CCDC141: variants seen among roughly 807,000 people sequenced by gnomAD.
CCDC141 encodes coiled-coil domain-containing protein 141.
CCDC141 carries 168 observed loss-of-function variants against 181.0 expected under a neutral mutation model. The ratio of observed to expected loss-of-function variants is 0.93; its 90% CI spans 0.82 to 1.05. CCDC141 has a LOEUF of 1.05. Among genes scored for constraint, CCDC141 ranks in the 50% least tolerant of loss-of-function variants. The pLI is 0.00. For synonymous variants in CCDC141, 666 were observed against 642.3 expected (o/e 1.04, Z -0.56); for missense variants, 1,902 against 1,788.5 (o/e 1.06, Z -1.14).
chr2:178,921,405 A>G (rs1688682895), intron 6 of CCDC141, among the ~76,000 whole-genome samples: 1 of 152,220 alleles, frequency 6.6e-6, no homozygotes, highest in Non-Finnish European at 1.5e-5. Context: ...AGCTCTCCAA[A>G]TGTGTTCTTT....
intron 2 of CCDC141, among the ~76,000 whole-genome samples, chr2:178,991,607 A>G (rs1297659854): frequency 1.3e-5 from 2 of 152,114 alleles, no homozygotes; most frequent in Non-Finnish European, 2.9e-5. Flanking sequence ...TTGAAGGAAT[A>G]AGCCTTAGTG....
chr2:178,881,405 G>A (rs1686600429), intron 11 of CCDC141, among the ~76,000 whole-genome samples: 1 of 152,196 alleles, frequency 6.6e-6, no homozygotes, highest in Non-Finnish European at 1.5e-5. Context: ...TTTATGCTAT[G>A]TAAATTTTAC....
intron 22 of CCDC141, among the ~76,000 whole-genome samples, chr2:178,841,015 C>A (rs1304860929): frequency 6.6e-6 from 1 of 152,074 alleles, no homozygotes; most frequent in Non-Finnish European, 1.5e-5. Flanking sequence ...ATCTTCTTGA[C>A]TTATATGATA....
intron 16 of CCDC141, among the ~76,000 whole-genome samples, chr2:178,867,691 T>C (rs1324471916): frequency 6.6e-6 from 1 of 152,148 alleles, no homozygotes; most frequent in African/African-American, 2.4e-5. Flanking sequence ...GCAAGTTAAA[T>C]AAAATTAAAA....
At chr2:178,874,034 C>T (rs1389628831) in intron 12 of CCDC141, 1 of 152,088 alleles carries the variant, frequency 6.6e-6, no homozygotes, top group African/African-American at 2.4e-5. Flanking sequence ...CTATTTCTGG[C>T]TTGAAAATAT....
intron 15 of CCDC141, 110 bp from the exon 16 acceptor site, chr2:178,868,315 C>T: frequency 1.2e-6 from 1 of 869,496 alleles, no homozygotes; most frequent in Non-Finnish European, 1.8e-6. Flanking sequence ...GCTGCCAAGC[C>T]CATCTTTAAA....
chr2:179,012,623 G>A (rs2042302329), intron 2 of CCDC141, among the ~76,000 whole-genome samples: 1 of 152,010 alleles, frequency 6.6e-6, no homozygotes, highest in Non-Finnish European at 1.5e-5. Flanking sequence ...TATGAAGCCA[G>A]CATTACCCTA....
chr2:178,891,773 ATCTC>A (rs34185031), intron 8 of CCDC141, among the ~76,000 whole-genome samples: 2,565 of 148,872 alleles, frequency 0.017, 49 homozygotes, highest in African/African-American at 0.047. Flanking sequence ...ATCATATAGG[ATCTC>A]TCTCTCTCTC....
intron 2 of CCDC141, among the ~76,000 whole-genome samples, chr2:179,044,734 G>C (rs1178499750): frequency 1.3e-5 from 2 of 152,118 alleles, no homozygotes; most frequent in Non-Finnish European, 2.9e-5. Context: ...AAAGGAGCTG[G>C]GGTCACAGGA....
chr2:178,837,658 C>G lies in CCDC141; in HGVS notation c.3561G>C (p.Lys1187Asn). 6.2e-7 allele frequency: 1 copy of G among 1,614,022 alleles called. No individual in the cohort carries two copies. Among genetic ancestry groups the G allele is most frequent in the South Asian group, 1.1e-5 (1 of 91,088 alleles). ...GGAGCAGGTCCTGGACGCCACCCTC[C>G]TTGTCAGTGGACACCTTCAGGTCTT... ...LPQDLKVSTD[K>N]EGGVQDLLLP... Residue 1187 changes from lysine to asparagine, a missense_variant, in exon 23 of 24, where the codon AAG becomes AAC. Lys to Asn is a moderately conservative substitution (Grantham distance 94). Transcript: ENST00000443758.
At chr2:178,992,221 A>G (rs1692086918) in intron 2 of CCDC141, among the ~76,000 whole-genome samples, 1 of 151,478 alleles carries the variant, frequency 6.6e-6, no homozygotes, top group South Asian at 2.1e-4. Context: ...TTTTCCAGTT[A>G]ATTTCACCTT....
intron 17 of CCDC141, among the ~76,000 whole-genome samples, chr2:178,865,200 G>T (rs938293032): frequency 3.3e-5 from 5 of 152,164 alleles, no homozygotes; most frequent in African/African-American, 1.2e-4. Context: ...TTGAAGAGTT[G>T]TTTTGCCAGA....
chr2:178,860,761 C>A (rs1331236882), intron 17 of CCDC141, among the ~76,000 whole-genome samples: 1 of 151,750 alleles, frequency 6.6e-6, no homozygotes, highest in Non-Finnish European at 1.5e-5. Flanking sequence ...AGGCCAGCCG[C>A]TAGCGGCTGA....
intron 5 of CCDC141, among the ~76,000 whole-genome samples, chr2:178,959,118 G>A (rs1307310562): frequency 6.9e-6 from 1 of 144,644 alleles, no homozygotes; most frequent in Non-Finnish European, 1.5e-5. Flanking sequence ...ACAGGAAGGG[G>A]AAGATCACAC....
In CCDC141 at chr2:178,886,818, A is replaced by T; in HGVS notation, c.1461T>A (p.Val487=). 6.8e-7 allele frequency: 1 copy of T among 1,476,072 alleles called. No homozygotes were observed. Among genetic ancestry groups the T allele is most frequent in the South Asian group, 1.4e-5 (1 of 72,516 alleles). 91.4% of individuals were successfully genotyped at this position (1,476,072 alleles called of 1,614,324 possible). ...TCTCTGATTCAGAACGGGTAGAACCAACATCCATTGCATTAGAAAGTACTG... is the reference window on the plus strand; with the variant it reads ...TCTCTGATTCAGAACGGGTAGAACCTACATCCATTGCATTAGAAAGTACTG... ...ISPVLSNAMD[V]GSTRSESEKI... The change falls in exon 10 of 24, where the codon GTT becomes GTA. Residue 487 remains valine (V), a synonymous_variant. Transcript: ENST00000443758.
At chr2:178,864,420 T>C (rs966556062) in intron 17 of CCDC141, among the ~76,000 whole-genome samples, 7 of 152,272 alleles carry the variant, frequency 4.6e-5, no homozygotes, top group East Asian at 3.9e-4. Flanking sequence ...GAACCGGAAG[T>C]GGCCATTCTA....
intron 14 of CCDC141, among the ~76,000 whole-genome samples, chr2:178,870,511 A>G (rs779061722): frequency 1.8e-4 from 27 of 152,176 alleles, no homozygotes; most frequent in Non-Finnish European, 3.5e-4. Context: ...AAATGCATAT[A>G]AGCAGATAAC....
chr2:178,992,340 C>CTTTT (rs34507992), intron 2 of CCDC141, among the ~76,000 whole-genome samples: 4 of 118,590 alleles, frequency 3.4e-5, no homozygotes, highest in Middle Eastern at 5.6e-3. Flanking sequence ...TAAAATAGAC[C>CTTTT]TTTTTTTTTT....
At chr2:179,023,693 C>T (rs558930325) in intron 2 of CCDC141, among the ~76,000 whole-genome samples, 1 of 152,228 alleles carries the variant, frequency 6.6e-6, no homozygotes, top group South Asian at 2.1e-4. Flanking sequence ...CTGAGGAAAA[C>T]TTACACTCTT....
Sources: gnomAD v4.1 joint callset for allele counts (sites outside exome capture counted in the v4.1 genomes callset) on GRCh38, gnomAD v4.1.1 for gene constraint, MANE v1.5 for transcripts, NCBI Gene and HGNC (gene_info 2026-07-23, HGNC 2026-07-21) for gene names.